The following SEMA4F variants were observed in gnomAD, a reference collection of about 807,000 sequenced individuals.
The protein encoded by SEMA4F is semaphorin-4F.
SEMA4F carries 51 observed loss-of-function variants against 78.4 expected under a neutral mutation model. The observed-to-expected ratio is 0.65, with a 90% CI of 0.52 to 0.82. The LOEUF is 0.82. SEMA4F is among the 40% of genes least tolerant of loss of function. The pLI is 0.00. For synonymous variants in SEMA4F, 418 were observed against 408.7 expected (o/e 1.02, Z -0.27); for missense variants, 938 against 1,014.4 (o/e 0.92, Z 1.02).
the SEMA4F span, among the ~76,000 whole-genome samples, chr2:74,708,863 G>A: frequency 2.6e-5 from 4 of 152,140 alleles, no homozygotes; most frequent in Admixed American, 2.0e-4. Context: ...GAAAACACAA[G>A]ACATAAAGAG....
chr2:74,674,302 A>G (rs1474603342), intron 7 of SEMA4F, among the ~76,000 whole-genome samples, 196 bp from the exon 8 acceptor site: 1 of 152,168 alleles, frequency 6.6e-6, no homozygotes, highest in Non-Finnish European at 1.5e-5. Context: ...TGTCATTGTT[A>G]TTGTGACCCC....
Position 74,673,464 on chromosome 2 carries a change from CCT to C in SEMA4F, c.561_562del (p.Tyr188CysfsTer53). ...RSAAVMAGGV[L>X]YAATVKNYLG... is the part of the protein sequence containing the mutation. ...CTCCCTGTCGCCCTGCAGGGGGGGT[CCT>C]CTATGCTGCCACTGTGAAAAACTAC... On this transcript the variant is annotated frameshift_variant, in exon 6 of 14. Transcript: ENST00000357877. LOFTEE classifies it high-confidence loss of function. 1 of 1,614,034 alleles carries C rather than the reference CCT, an allele frequency of 6.2e-7. No homozygotes were observed. Among genetic ancestry groups the C allele is most frequent in the South Asian group, 1.1e-5 (1 of 91,054 alleles).
intron 13 of SEMA4F, 57 bp downstream of exon 13, chr2:74,679,391 A>G (rs2105018971): frequency 2.0e-6 from 3 of 1,512,688 alleles, no homozygotes; most frequent in South Asian, 2.3e-5. Context: ...GAAAGGGGCT[A>G]GAGAGTTGTT....
chr2:74,707,830 G>C, the SEMA4F span, among the ~76,000 whole-genome samples: 13 of 152,130 alleles, frequency 8.5e-5, no homozygotes, highest in Non-Finnish European at 2.9e-5. Flanking sequence ...AAAGCAACTA[G>C]AGTTTGCAGG....
downstream of SEMA4F, among the ~76,000 whole-genome samples, chr2:74,686,261 G>A (rs1413031875): frequency 2.0e-5 from 3 of 152,098 alleles, no homozygotes; most frequent in Admixed American, 2.0e-4. Context: ...CACCACGCCC[G>A]GCTAATTTTT....
chr2:74,669,528 T>G (rs1039270827), intron 5 of SEMA4F, among the ~76,000 whole-genome samples: 9 of 151,988 alleles, frequency 5.9e-5, no homozygotes, highest in Non-Finnish European at 1.3e-4. Flanking sequence ...GAGATTACAG[T>G]GAGCCGAGAT....
chr2:74,661,812 C>T (rs1372574915), intron 4 of SEMA4F, among the ~76,000 whole-genome samples: 2 of 152,162 alleles, frequency 1.3e-5, no homozygotes, highest in Admixed American at 1.3e-4. Flanking sequence ...GCAACAGCTA[C>T]CATGGAAGTA....
intron 5 of SEMA4F, among the ~76,000 whole-genome samples, chr2:74,665,881 T>C (rs1028566595): frequency 3.3e-5 from 5 of 152,094 alleles, no homozygotes; most frequent in Admixed American, 2.6e-4. Context: ...TATCGTACTT[T>C]TGTTTCAAGC....
At chr2:74,666,264 C>T (rs1439742117) in intron 5 of SEMA4F, among the ~76,000 whole-genome samples, 2 of 152,146 alleles carry the variant, frequency 1.3e-5, no homozygotes, top group Non-Finnish European at 2.9e-5. Flanking sequence ...TTTATTAGGT[C>T]AGCAAGTGAA....
Position 74,654,666 on chromosome 2 carries a change from G to T in SEMA4F, c.145+145G>T, listed in dbSNP as rs953673281. The T allele has an allele frequency of 8.3e-5, 56 of 674,368 alleles. No individual in the cohort carries two copies. In the African/African-American group the frequency reaches 9.0e-4, roughly 11 times the overall value. The allele number at this position is 674,368 out of a possible 1,614,324, so 41.8% of individuals were successfully genotyped here. A position where few individuals can be genotyped will look rare whatever the true frequency, so the allele number is the denominator to read the frequency against. On this transcript the variant is annotated intron_variant, in intron 1 of 13. Coordinates refer to ENST00000357877, the MANE Select transcript of SEMA4F (RefSeq NM_004263.5). ...CCGCCCACGCCCCGCCGGGACCGGG[G>T]CGAGATCTTCGCACTTCACCGCATC...
intron 1 of SEMA4F, among the ~76,000 whole-genome samples, chr2:74,655,851 C>T (rs918461891): frequency 1.3e-5 from 2 of 152,060 alleles, no homozygotes; most frequent in African/African-American, 4.8e-5. Context: ...GTCCAGTCTG[C>T]AGTCTTGAGG....
chr2:74,688,609 A>G (rs568320811), downstream of SEMA4F, among the ~76,000 whole-genome samples: 130 of 152,348 alleles, frequency 8.5e-4, no homozygotes, highest in African/African-American at 2.9e-3. Flanking sequence ...TTGTAATATT[A>G]CATTATCAAT....
intron 8 of SEMA4F, 105 bp from the exon 9 acceptor site, chr2:74,674,783 T>C: frequency 6.4e-7 from 1 of 1,550,954 alleles, no homozygotes; most frequent in Non-Finnish European, 8.7e-7. Flanking sequence ...CGCCTTTGGC[T>C]GCATGGCTCC....
chr2:74,658,066 T>G lies in SEMA4F; in HGVS notation c.456+115T>G. 1 of 886,158 alleles carries G rather than the reference T, an allele frequency of 1.1e-6. No homozygotes were observed. The highest frequency in any genetic ancestry group is 1.9e-6 in the Non-Finnish European group (1 of 539,330). The allele number at this position is 886,158 out of a possible 1,614,324, so 54.9% of individuals were successfully genotyped here. ...GTGAGCGACCATGATGGGGGCATGG[T>G]CAAGGCAACCATTGTGCATGATAAG... On this transcript the variant is annotated intron_variant, in intron 4 of 13. Transcript: ENST00000357877. The surrounding 1 kb of genome is among the most constrained non-coding windows in gnomAD (Gnocchi z 4.3).
the SEMA4F span, among the ~76,000 whole-genome samples, chr2:74,703,305 T>G: frequency 2.0e-5 from 3 of 152,168 alleles, no homozygotes; most frequent in Non-Finnish European, 4.4e-5. Context: ...TAAGACAGGA[T>G]TCACATGCCA....
chr2:74,679,552 C>T, intron 13 of SEMA4F, 47 bp from the exon 14 acceptor site: 4 of 1,562,778 alleles, frequency 2.6e-6, no homozygotes, highest in Non-Finnish European at 3.5e-6. Context: ...CATCACACCT[C>T]CAGCCTTTAG....
the SEMA4F span, among the ~76,000 whole-genome samples, chr2:74,689,051 G>A: frequency 2.6e-5 from 4 of 152,202 alleles, no homozygotes; most frequent in Admixed American, 2.6e-4. Flanking sequence ...ACTTTGAAAG[G>A]CGCTATTGTT....
the SEMA4F span, among the ~76,000 whole-genome samples, chr2:74,697,163 C>G: frequency 6.6e-6 from 1 of 152,240 alleles, no homozygotes; most frequent in African/African-American, 2.4e-5. Flanking sequence ...TGCTGGAGAT[C>G]TGTCTTCCCA....
In SEMA4F at chr2:74,667,950, C is replaced by T. The variant is rs1368999422; in HGVS notation, c.550+5125C>T. 3.9e-5 allele frequency among the ~76,000 whole-genome samples: 6 copies of T among 152,178 alleles called. No individual in the cohort carries two copies. The South Asian group carries it at 1.0e-3, about 26-fold the overall frequency. ...TACAGACCACACATCCAACTGCCTT[C>T]CACACATCTTCAGTTGGATGTCCCA... On this transcript the variant is annotated intron_variant, in intron 5 of 13. Coordinates refer to ENST00000357877, the MANE Select transcript of SEMA4F (RefSeq NM_004263.5).
Sources: allele counts gnomAD v4.1 joint callset (sites outside exome capture counted in the v4.1 genomes callset), GRCh38; gene constraint gnomAD v4.1.1; non-coding constraint Gnocchi (gnomAD v3.1); transcripts MANE v1.5; gene names NCBI Gene and HGNC (gene_info 2026-07-23, HGNC 2026-07-21).